The following PRICKLE2 variants were observed in gnomAD, a reference collection of about 807,000 sequenced individuals.
The protein encoded by PRICKLE2 is prickle planar cell polarity protein 2, also known as prickle-like protein 2.
PRICKLE2 carries 21 observed loss-of-function variants against 81.4 expected under a neutral mutation model. The observed-to-expected ratio is 0.26, with a 90% CI of 0.18 to 0.37. PRICKLE2 has a LOEUF of 0.37. Among genes scored for constraint, PRICKLE2 ranks in the 10% least tolerant of loss-of-function variants. The probability of loss-of-function intolerance (pLI) is 1.00; values close to 1 mark genes in which losing one functional copy is unlikely to be tolerated. For missense variants in PRICKLE2, 940 were observed against 1,109.0 expected, an observed-to-expected ratio of 0.85 and a Z score of 2.16; for synonymous variants, 456 against 421.5, an observed-to-expected ratio of 1.08 and a Z score of -1.00.
intron 1 of PRICKLE2, among the ~76,000 whole-genome samples, chr3:64,220,625 T>C (rs577883369): frequency 2.0e-4 from 30 of 152,272 alleles, no homozygotes; most frequent in Middle Eastern, 3.4e-3. Context: ...CCCCCGACTA[T>C]TGCTTCCTCC....
At chr3:64,209,964 GAAGAA>G (rs2078758945) in intron 1 of PRICKLE2, among the ~76,000 whole-genome samples, 1 of 152,180 alleles carries the variant, frequency 6.6e-6, no homozygotes, top group African/African-American at 2.4e-5. Context: ...TCCCGGCAGA[GAAGAA>G]GTGAGCACAC....
intron 7 of PRICKLE2, among the ~76,000 whole-genome samples, chr3:64,109,217 G>T: frequency 6.6e-6 from 1 of 152,196 alleles, no homozygotes; most frequent in South Asian, 2.1e-4. Flanking sequence ...GTTGGGTGTG[G>T]TATGTCCCCA....
chr3:64,230,788 G>C (rs532121879), intron 2 of PRICKLE2, among the ~76,000 whole-genome samples: 34 of 152,160 alleles, frequency 2.2e-4, no homozygotes, highest in Non-Finnish European at 3.8e-4. Flanking sequence ...AAAGGCTTCG[G>C]TAAGATTAGA....
rs751445312 is a variant in PRICKLE2, at chr3:64,147,358, T to C, written c.1132A>G (p.Met378Val). The C allele has an allele frequency of 3.7e-6, 6 of 1,614,106 alleles. No homozygotes were observed. In the East Asian group the frequency reaches 1.1e-4, roughly 30 times the overall value. ...DVDPLSLQMD[M>V]LSLSSQTPSL... The stretch of plus-strand genomic sequence containing the variant: ...GGTGTCTGGCTGGACAGGCTGAGCA[T>C]GTCCATCTGCAGTGACAGGGGGTCT... The change falls in exon 7 of 8, where the codon ATG (methionine) becomes GTG (valine). Residue 378 changes from methionine (M) to valine (V), a missense_variant. By Grantham distance (21) the Met-to-Val change is conservative. Around this residue, in one of 2 missense-constraint regions of PRICKLE2, gnomAD observed 670 missense variants for 717.2 expected, o/e 0.93. Transcript: ENST00000638394. The surrounding 1 kb of genome is among the most constrained non-coding windows in gnomAD (Gnocchi z 5.0).
At chr3:64,137,542 A>G (rs1383887467) in intron 7 of PRICKLE2, among the ~76,000 whole-genome samples, 1 of 152,168 alleles carries the variant, frequency 6.6e-6, no homozygotes, top group Non-Finnish European at 1.5e-5. Flanking sequence ...TTGAACAGTT[A>G]TCAAAAACCA....
chr3:64,232,214 C>G (rs1415985500), intron 2 of PRICKLE2, among the ~76,000 whole-genome samples: 1 of 152,084 alleles, frequency 6.6e-6, no homozygotes, highest in Non-Finnish European at 1.5e-5. Context: ...TGTGATTAAC[C>G]TCTCTCTCTT....
intron 2 of PRICKLE2, among the ~76,000 whole-genome samples, chr3:64,247,663 A>G (rs1020881840): frequency 6.6e-6 from 1 of 152,220 alleles, no homozygotes; most frequent in Non-Finnish European, 1.5e-5. Flanking sequence ...GAAGTACTGT[A>G]GATCATAACT....
At chr3:64,251,120 G>GAATC (rs375320367) in intron 2 of PRICKLE2, among the ~76,000 whole-genome samples, 2 of 152,194 alleles carry the variant, frequency 1.3e-5, no homozygotes, top group Non-Finnish European at 2.9e-5. Context: ...TTGATTAAAT[G>GAATC]AATCAATCAA....
chr3:64,243,957 T>A (rs1213363876), intron 2 of PRICKLE2, among the ~76,000 whole-genome samples: 1 of 152,196 alleles, frequency 6.6e-6, no homozygotes, highest in African/African-American at 2.4e-5. Context: ...CCATGCTCTT[T>A]CATGTCATAA....
chr3:64,231,752 T>C (rs1575694448), intron 2 of PRICKLE2, among the ~76,000 whole-genome samples: 1 of 152,214 alleles, frequency 6.6e-6, no homozygotes, highest in South Asian at 2.1e-4. Context: ...TTGCATACTT[T>C]ATCTCATTTA....
intron 2 of PRICKLE2, among the ~76,000 whole-genome samples, chr3:64,187,082 A>G (rs574908070): frequency 6.6e-4 from 100 of 152,262 alleles, no homozygotes; most frequent in African/African-American, 2.2e-3. Flanking sequence ...TGGCCTTTCT[A>G]GGCCTCATAA....
At chr3:64,193,251 C>T (rs1373947370) in intron 2 of PRICKLE2, among the ~76,000 whole-genome samples, 4 of 152,152 alleles carry the variant, frequency 2.6e-5, no homozygotes, top group African/African-American at 9.7e-5. Context: ...ATGATGGTAT[C>T]TTGGCATTTG....
At chr3:64,178,969 TTCTTTCTTTC>T (rs932196397) in intron 2 of PRICKLE2, among the ~76,000 whole-genome samples, 1 of 52,684 alleles carries the variant, frequency 1.9e-5, no homozygotes, top group Non-Finnish European at 3.8e-5. Flanking sequence ...CATATTTTCT[TTCTTTCTTTC>T]TTTCTTTCTT....
chr3:64,145,125 G>T (rs1338290904), intron 7 of PRICKLE2, among the ~76,000 whole-genome samples: 1 of 142,442 alleles, frequency 7.0e-6, no homozygotes, highest in Non-Finnish European at 1.5e-5. Context: ...CTAGAGACAG[G>T]TTGTCACTCT....
intron 7 of PRICKLE2, among the ~76,000 whole-genome samples, chr3:64,134,458 C>G (rs1364249795): frequency 6.6e-6 from 1 of 152,222 alleles, no homozygotes; most frequent in Non-Finnish European, 1.5e-5. Context: ...AGTCTCGGCA[C>G]TGCTGGCTTA....
intron 2 of PRICKLE2, among the ~76,000 whole-genome samples, chr3:64,239,945 T>A (rs1575703968): frequency 1.3e-5 from 1 of 75,454 alleles, no homozygotes; most frequent in African/African-American, 5.7e-5. Flanking sequence ...CAAAACCCCA[T>A]CGCTACCAAA....
intron 2 of PRICKLE2, among the ~76,000 whole-genome samples, chr3:64,189,154 T>C (rs746489285): frequency 6.6e-6 from 1 of 152,118 alleles, no homozygotes; most frequent in African/African-American, 2.4e-5. Context: ...TCTGTACCAG[T>C]AACATGAGAG....
Position 64,160,080 on chromosome 3 carries a change from G to A in PRICKLE2, c.259-3C>T, listed in dbSNP as rs775210513. The A allele has an allele frequency of 6.2e-7, 1 of 1,613,810 alleles. No individual in the cohort carries two copies. Among genetic ancestry groups the A allele is most frequent in the African/African-American group, 1.3e-5 (1 of 75,004 alleles). ...TCCAGGGAGTTGCAATATCGAACCT[G>A]AATAGACACAGACAATGGCATGGAA... On this transcript the variant is annotated splice_polypyrimidine_tract_variant and splice_region_variant and intron_variant, in intron 3 of 7. Transcript: ENST00000638394.
chr3:64,224,186 A>C (rs1459345156), intron 1 of PRICKLE2, among the ~76,000 whole-genome samples: 2 of 152,216 alleles, frequency 1.3e-5, no homozygotes, highest in Non-Finnish European at 2.9e-5. Flanking sequence ...TTTATGATTC[A>C]TAAAAGTCCC....
Sources: gnomAD v4.1 joint callset for allele counts (sites outside exome capture counted in the v4.1 genomes callset) on GRCh38, gnomAD v4.1.1 for gene constraint, gnomAD v4.1.1 regional missense constraint, Gnocchi (gnomAD v3.1) non-coding constraint, MANE v1.5 for transcripts, NCBI Gene and HGNC (gene_info 2026-07-23, HGNC 2026-07-21) for gene names.